Variants in N4BP2 observed in about 807,000 individuals in gnomAD.
The protein encoded by N4BP2 is NEDD4-binding protein 2.
N4BP2 carries 91 observed loss-of-function variants against 152.8 expected under a neutral mutation model. The ratio of observed to expected loss-of-function variants is 0.60; its 90% CI spans 0.50 to 0.71. The LOEUF is 0.71. Ranked by LOEUF, N4BP2 falls within the 30% of genes least tolerant of loss-of-function variation. N4BP2 has a pLI of 0.00. For missense variants in N4BP2, 1,923 were observed against 2,059.1 expected (o/e 0.93, Z 1.28); for synonymous variants, 646 against 705.3 (o/e 0.92, Z 1.33).
intron 1 of N4BP2, among the ~76,000 whole-genome samples, chr4:40,064,422 G>A (rs1733882527): frequency 6.6e-6 from 1 of 151,828 alleles, no homozygotes; most frequent in East Asian, 2.0e-4. Context: ...CTGTAAGCGC[G>A]CACCACCACG....
intron 2 of N4BP2, among the ~76,000 whole-genome samples, chr4:40,079,082 C>T (rs1040089768): frequency 7.2e-5 from 11 of 152,018 alleles, no homozygotes; most frequent in South Asian, 2.1e-4. Context: ...CCACCACACT[C>T]GGCTAATTTT....
At chr4:40,174,895 TA>T in the N4BP2 span, among the ~76,000 whole-genome samples, 1,297 of 133,200 alleles carry the variant, frequency 9.7e-3, 2 homozygotes, top group Admixed American at 0.011. Context: ...TTATTCAGCC[TA>T]AAAAAAAAAA....
the N4BP2 span, among the ~76,000 whole-genome samples, chr4:40,179,079 G>A: frequency 1.3e-5 from 2 of 152,032 alleles, no homozygotes; most frequent in Admixed American, 6.6e-5. Context: ...ATATTAAAAC[G>A]TTTTGGAGGC....
chr4:40,139,410 T>G (rs1200354872), intron 14 of N4BP2, among the ~76,000 whole-genome samples: 1 of 152,048 alleles, frequency 6.6e-6, no homozygotes, highest in Non-Finnish European at 1.5e-5. Context: ...AATTATGCAT[T>G]AATTTTATTT....
At chr4:40,130,359 G>A (rs1289741889) in intron 12 of N4BP2, among the ~76,000 whole-genome samples, 1 of 152,024 alleles carries the variant, frequency 6.6e-6, no homozygotes, top group Non-Finnish European at 1.5e-5. Context: ...CAGGTAGCTT[G>A]TTTCCATCAC....
At chr4:40,125,982 A>G in intron 11 of N4BP2, 152 bp from the exon 12 acceptor site, 1 of 441,690 alleles carries the variant, frequency 2.3e-6, no homozygotes, top group Admixed American at 4.2e-5. Context: ...TGACGTGAAG[A>G]TGTATTTTAC....
intron 1 of N4BP2, among the ~76,000 whole-genome samples, chr4:40,071,059 C>T (rs1296619451): frequency 6.6e-6 from 1 of 151,564 alleles, no homozygotes; most frequent in African/African-American, 2.4e-5. Flanking sequence ...TTTTAAATGC[C>T]AGATTTCAGT....
intron 5 of N4BP2, 141 bp from the exon 6 acceptor site, chr4:40,111,943 C>T: frequency 3.6e-6 from 2 of 548,430 alleles, no homozygotes; most frequent in South Asian, 4.9e-5. Flanking sequence ...TTTTTATGTC[C>T]TCAAAGGGAT....
chr4:40,086,677 A>T (rs1470660750), intron 2 of N4BP2, among the ~76,000 whole-genome samples: 1 of 152,030 alleles, frequency 6.6e-6, no homozygotes, highest in Non-Finnish European at 1.5e-5. Flanking sequence ...AAAAAGACTT[A>T]TGGAGAGTAT....
intron 16 of N4BP2, 147 bp downstream of exon 16, chr4:40,144,947 G>A: frequency 1.8e-6 from 1 of 557,512 alleles, no homozygotes; most frequent in Non-Finnish European, 2.9e-6. Flanking sequence ...TTCTTCAAGA[G>A]AACCTTCTTG....
At chr4:40,078,426 C>T (rs1713003310) in intron 2 of N4BP2, among the ~76,000 whole-genome samples, 1 of 151,892 alleles carries the variant, frequency 6.6e-6, no homozygotes, top group African/African-American at 2.4e-5. Context: ...TGTGAGCCAC[C>T]GTGTCTAGCC....
chr4:40,092,349 T>C (rs1036367161), intron 2 of N4BP2, among the ~76,000 whole-genome samples: 1 of 151,758 alleles, frequency 6.6e-6, no homozygotes, highest in Non-Finnish European at 1.5e-5. Flanking sequence ...ATTTTATCTT[T>C]GTCTTATTGG....
chr4:40,166,348 G>A, the N4BP2 span, among the ~76,000 whole-genome samples: 1 of 152,070 alleles, frequency 6.6e-6, no homozygotes, highest in African/African-American at 2.4e-5. Flanking sequence ...TGTCTGAACT[G>A]TTTTTGTTTT....
chr4:40,109,379 A>C (rs1052915758), intron 5 of N4BP2, among the ~76,000 whole-genome samples: 40 of 152,234 alleles, frequency 2.6e-4, no homozygotes, highest in African/African-American at 8.7e-4. Context: ...GGGAATAATA[A>C]TACTTAACTC....
At chr4:40,122,353 A>G (rs751780095) in intron 9 of N4BP2, 44 bp downstream of exon 9, 4 of 1,304,056 alleles carry the variant, frequency 3.1e-6, no homozygotes, top group Non-Finnish European at 4.2e-6. Context: ...TTGTGTGACT[A>G]GACTACAGAG....
intron 3 of N4BP2, chr4:40,099,981 A>C (rs1280850278): frequency 4.9e-6 from 2 of 408,890 alleles, no homozygotes; most frequent in East Asian, 1.6e-4. Context: ...ATGATCTCCT[A>C]ATTGGTCTCT....
At chr4:40,057,692 C>G (rs1389688366) in intron 1 of N4BP2, among the ~76,000 whole-genome samples, 1 of 152,144 alleles carries the variant, frequency 6.6e-6, no homozygotes, top group Non-Finnish European at 1.5e-5. Flanking sequence ...TCTAAGCCGT[C>G]CGTTTGGAAA....
chr4:40,117,766 T>C, intron 7 of N4BP2, 103 bp from the exon 8 acceptor site: 1 of 911,128 alleles, frequency 1.1e-6, no homozygotes, highest in Non-Finnish European at 1.6e-6. Flanking sequence ...TTGATATTCG[T>C]ATCTATTAGA....
chr4:40,147,856 G>A (rs1273259807), intron 16 of N4BP2, among the ~76,000 whole-genome samples: 23 of 151,646 alleles, frequency 1.5e-4, no homozygotes, highest in African/African-American at 3.9e-4. Flanking sequence ...AGACGGGGTC[G>A]CGGCCAGGCA....
Sources: gnomAD v4.1 joint callset for allele counts (sites outside exome capture counted in the v4.1 genomes callset) on GRCh38, gnomAD v4.1.1 for gene constraint, MANE v1.5 for transcripts, NCBI Gene and HGNC (gene_info 2026-07-23, HGNC 2026-07-21) for gene names.